Variants in INPP4A observed in about 807,000 individuals in gnomAD.
INPP4A encodes inositol polyphosphate-4-phosphatase, type I, 107kD.
INPP4A carries 33 observed loss-of-function variants against 119.8 expected under a neutral mutation model. The observed-to-expected ratio is 0.28, with a 90% confidence interval of 0.21 to 0.37. The LOEUF is 0.37. Ranked by LOEUF, INPP4A falls within the 10% of genes least tolerant of loss-of-function variation. The pLI is 1.00. For synonymous variants in INPP4A, 496 were observed against 500.7 expected, an observed-to-expected ratio of 0.99 and a Z score of 0.12; for missense variants, 956 against 1,289.9, an observed-to-expected ratio of 0.74 and a Z score of 3.97.
At chr2:98,531,626 A>G (rs1471815916) in intron 4 of INPP4A, among the ~76,000 whole-genome samples, 1 of 152,216 alleles carries the variant, frequency 6.6e-6, no homozygotes, top group Admixed American at 6.5e-5. Context: ...CAACACTTAA[A>G]GTAGCAACAA....
At chr2:98,521,418 A>C (rs1166245544) in intron 4 of INPP4A, 1 of 152,222 alleles carries the variant, frequency 6.6e-6, no homozygotes, top group African/African-American at 2.4e-5. Flanking sequence ...GTGTGACATA[A>C]AAGAGGCACC....
chr2:98,560,405 A>G (rs1695259177), intron 17 of INPP4A, among the ~76,000 whole-genome samples: 2 of 152,198 alleles, frequency 1.3e-5, no homozygotes, highest in African/African-American at 2.4e-5. Flanking sequence ...CTGTCCACCC[A>G]TACAGCCCCA....
chr2:98,484,614 A>C (rs562904625), intron 1 of INPP4A, among the ~76,000 whole-genome samples: 1 of 152,270 alleles, frequency 6.6e-6, no homozygotes, highest in Middle Eastern at 3.4e-3. Context: ...AAAATTTTGC[A>C]TACTTACTAT....
At chr2:98,512,222 A>T (rs1289405630) in intron 1 of INPP4A, among the ~76,000 whole-genome samples, 1 of 152,194 alleles carries the variant, frequency 6.6e-6, no homozygotes, top group Non-Finnish European at 1.5e-5. Context: ...TGGTGAGACC[A>T]GTGTTATTTC....
intron 6 of INPP4A, 101 bp downstream of exon 6, chr2:98,535,946 C>A: frequency 1.4e-6 from 1 of 727,524 alleles, no homozygotes; most frequent in South Asian, 1.6e-5. Flanking sequence ...ACTACTGGCT[C>A]ACAAGTTAAC....
chr2:98,475,922 A>G (rs140452797), intron 1 of INPP4A, among the ~76,000 whole-genome samples: 1,567 of 152,296 alleles, frequency 0.01, 14 homozygotes, highest in Middle Eastern at 0.021. Context: ...CAAATGCACT[A>G]TCTTCTCATT....
At chr2:98,587,440 T>G in intron 24 of INPP4A, 36 bp from the exon 25 acceptor site, 1 of 1,539,136 alleles carries the variant, frequency 6.5e-7, no homozygotes, top group Non-Finnish European at 8.7e-7. Context: ...TTTCCTTTTT[T>G]ACTGCCGTCA....
At chr2:98,456,205 C>T (rs1214246230) in intron 1 of INPP4A, among the ~76,000 whole-genome samples, 1 of 152,074 alleles carries the variant, frequency 6.6e-6, no homozygotes, top group Non-Finnish European at 1.5e-5. Context: ...TTGAAATTAC[C>T]AGTTAAAGCA....
intron 1 of INPP4A, among the ~76,000 whole-genome samples, chr2:98,484,978 G>T (rs894268174): frequency 6.6e-6 from 1 of 152,002 alleles, no homozygotes; most frequent in African/African-American, 2.4e-5. Context: ...AGATCCCACC[G>T]AGAGTAGTGG....
In INPP4A at chr2:98,552,931, A is replaced by G. The variant is rs768313787; in HGVS notation, c.1309A>G (p.Thr437Ala). 1.5e-5 allele frequency: 24 copies of G among 1,613,390 alleles called. No individual in the cohort carries two copies. Among genetic ancestry groups the G allele is most frequent in the Non-Finnish European group, 1.9e-5 (23 of 1,179,620 alleles). The change falls in exon 14 of 25, where the codon ACT (threonine) becomes GCT (alanine). Residue 437 changes from threonine (T) to alanine (A), a missense_variant. Physicochemically the swap from Thr to Ala is moderately conservative, Grantham distance 58. Coordinates refer to ENST00000409851, the MANE Select transcript of INPP4A (RefSeq NM_001134225.2). Reference sequence around the variant, plus strand: ...AAGGGCAGCCAAGGACAGGTCTGCCACTGGCCTTGAGAGGACACTCGCCAT... The same window carrying G: ...AAGGGCAGCCAAGGACAGGTCTGCCGCTGGCCTTGAGAGGACACTCGCCAT... ...LSRAAKDRSA[T>A]GLERTLAILA...
intron 13 of INPP4A, among the ~76,000 whole-genome samples, chr2:98,549,469 G>C (rs2106148867): frequency 6.6e-6 from 1 of 151,904 alleles, no homozygotes; most frequent in South Asian, 2.1e-4. Flanking sequence ...CCTGGGGGTG[G>C]GTACAAACCA....
chr2:98,499,441 A>G (rs1682677386), intron 1 of INPP4A, among the ~76,000 whole-genome samples: 2 of 152,186 alleles, frequency 1.3e-5, no homozygotes, highest in South Asian at 4.1e-4. Context: ...CTTGTTTAAG[A>G]TCTGCAGAAT....
chr2:98,553,853 G>T (rs924436894), intron 14 of INPP4A, among the ~76,000 whole-genome samples: 2 of 152,218 alleles, frequency 1.3e-5, no homozygotes, highest in Admixed American at 1.3e-4. Flanking sequence ...GGTATTAGAT[G>T]CTGAGGAACA....
chr2:98,545,091 C>T (rs944453386), intron 11 of INPP4A, among the ~76,000 whole-genome samples: 29 of 152,280 alleles, frequency 1.9e-4, no homozygotes, highest in African/African-American at 6.3e-4. Context: ...CACAGGCTCT[C>T]GGATGCTCAT....
chr2:98,528,279 C>T (rs2105851057), intron 4 of INPP4A, among the ~76,000 whole-genome samples: 1 of 152,184 alleles, frequency 6.6e-6, no homozygotes, highest in African/African-American at 2.4e-5. Context: ...AAGAGAGGCT[C>T]AACTGTAGGT....
intron 1 of INPP4A, among the ~76,000 whole-genome samples, chr2:98,480,804 C>T (rs888727405): frequency 6.6e-6 from 1 of 152,230 alleles, no homozygotes; most frequent in African/African-American, 2.4e-5. Context: ...ACTAGCCTGT[C>T]TTCTTGCCAG....
intron 1 of INPP4A, among the ~76,000 whole-genome samples, chr2:98,509,656 C>T (rs958109048): frequency 5.3e-5 from 8 of 152,056 alleles, no homozygotes; most frequent in Admixed American, 1.3e-4. Context: ...GGCAGATCCC[C>T]GCCCACCCCA....
At chr2:98,464,702 C>A (rs1674388488) in intron 1 of INPP4A, among the ~76,000 whole-genome samples, 1 of 152,168 alleles carries the variant, frequency 6.6e-6, no homozygotes, top group Admixed American at 6.5e-5. Context: ...GATCACAGCT[C>A]ATGATGCCTG....
intron 10 of INPP4A, among the ~76,000 whole-genome samples, chr2:98,543,587 GTCT>G (rs1044861909): frequency 5.9e-5 from 9 of 152,182 alleles, no homozygotes; most frequent in African/African-American, 1.7e-4. Context: ...CTAGCAGCCT[GTCT>G]TCTTCTCCCC....
Sources: allele counts gnomAD v4.1 joint callset (sites outside exome capture counted in the v4.1 genomes callset), GRCh38; gene constraint gnomAD v4.1.1; transcripts MANE v1.5; gene names NCBI Gene and HGNC (gene_info 2026-07-23, HGNC 2026-07-21).